Variants in BMAL2 observed in about 807,000 individuals in gnomAD.
BMAL2 encodes basic helix-loop-helix ARNT like 2, also known as basic helix-loop-helix ARNT-like protein 2.
the BMAL2 span, chr12:27,389,082 A>C: frequency 1.2e-6 from 1 of 856,538 alleles, no homozygotes; most frequent in South Asian, 1.4e-5. Context: ...CTTGAGAAAA[A>C]TCAATCAAAA....
At chr12:27,347,618 TTA>T in the BMAL2 span, among the ~76,000 whole-genome samples, 1 of 152,062 alleles carries the variant, frequency 6.6e-6, no homozygotes, top group African/African-American at 2.4e-5. Flanking sequence ...TAGCTTTTTT[TTA>T]AAAAAAATAT....
At chr12:27,390,663 T>C in the BMAL2 span, among the ~76,000 whole-genome samples, 2 of 152,188 alleles carry the variant, frequency 1.3e-5, no homozygotes, top group Non-Finnish European at 2.9e-5. Context: ...TGATTTTAAT[T>C]TTTTATGAGA....
At chr12:27,381,539 A>G in the BMAL2 span, among the ~76,000 whole-genome samples, 1 of 152,106 alleles carries the variant, frequency 6.6e-6, no homozygotes. Flanking sequence ...ATGAGAACTC[A>G]CTATTGTGAC....
chr12:27,401,467 A>G, the BMAL2 span: 2 of 1,544,680 alleles, frequency 1.3e-6, no homozygotes, highest in Non-Finnish European at 1.8e-6. Flanking sequence ...TAATCTTCAC[A>G]ACATTGATTT....
At chr12:27,350,123 G>A in the BMAL2 span, among the ~76,000 whole-genome samples, 2 of 152,208 alleles carry the variant, frequency 1.3e-5, no homozygotes, top group African/African-American at 4.8e-5. Flanking sequence ...AAAAGCAGGT[G>A]ACTTTAGCAG....
chr12:27,414,948 G>A, the BMAL2 span, among the ~76,000 whole-genome samples: 1 of 152,134 alleles, frequency 6.6e-6, no homozygotes, highest in Non-Finnish European at 1.5e-5. Context: ...AGGACATTAT[G>A]CTAAGTGAAA....
At chr12:27,350,975 C>T in the BMAL2 span, among the ~76,000 whole-genome samples, 1 of 130,538 alleles carries the variant, frequency 7.7e-6, no homozygotes, top group Non-Finnish European at 1.6e-5. Flanking sequence ...CCACCATGCC[C>T]AGACCCCACC....
the BMAL2 span, chr12:27,389,198 G>T: frequency 6.2e-7 from 1 of 1,610,984 alleles, no homozygotes; most frequent in Non-Finnish European, 8.5e-7. Context: ...ACTGGACAAA[G>T]CTTATTTGAC....
the BMAL2 span, among the ~76,000 whole-genome samples, chr12:27,383,459 C>A: frequency 6.6e-6 from 1 of 152,114 alleles, no homozygotes; most frequent in Non-Finnish European, 1.5e-5. Context: ...GTGCAGAACA[C>A]CATGGCATGC....
the BMAL2 span, among the ~76,000 whole-genome samples, chr12:27,411,198 G>A: frequency 6.6e-6 from 1 of 152,050 alleles, no homozygotes; most frequent in Admixed American, 6.6e-5. Context: ...TGCGATCATG[G>A]CTCACTGCAG....
chr12:27,351,503 T>C, the BMAL2 span, among the ~76,000 whole-genome samples: 11 of 152,286 alleles, frequency 7.2e-5, no homozygotes, highest in East Asian at 2.1e-3. Context: ...TTTTCAAATA[T>C]AAACCAGTCC....
the BMAL2 span, among the ~76,000 whole-genome samples, chr12:27,383,938 C>T: frequency 1.3e-5 from 2 of 152,148 alleles, no homozygotes; most frequent in African/African-American, 4.8e-5. Flanking sequence ...ACTTTGCCAC[C>T]ACCACCACCA....
At chr12:27,409,999 C>T in the BMAL2 span, among the ~76,000 whole-genome samples, 2 of 152,088 alleles carry the variant, frequency 1.3e-5, no homozygotes, top group African/African-American at 4.8e-5. Context: ...AAAAAATGCT[C>T]ATCATCACTG....
the BMAL2 span, among the ~76,000 whole-genome samples, chr12:27,385,872 G>A: frequency 1.3e-4 from 20 of 151,918 alleles, no homozygotes; most frequent in African/African-American, 4.3e-4. Flanking sequence ...CTTCAAAGCC[G>A]TCTGCCTGGC....
chr12:27,343,097 T>C, the BMAL2 span, among the ~76,000 whole-genome samples: 15 of 152,232 alleles, frequency 9.9e-5, no homozygotes, highest in Admixed American at 3.3e-4. Flanking sequence ...GGAAGCAAAT[T>C]TAGATTGTGA....
At chr12:27,384,118 GACTT>G in the BMAL2 span, among the ~76,000 whole-genome samples, 475 of 152,346 alleles carry the variant, frequency 3.1e-3, 1 homozygote, top group African/African-American at 0.011. Flanking sequence ...AGGGAAAATT[GACTT>G]ACTTCTGAAT....
the BMAL2 span, among the ~76,000 whole-genome samples, chr12:27,361,124 A>T: frequency 1.3e-5 from 2 of 152,188 alleles, no homozygotes; most frequent in East Asian, 3.8e-4. Context: ...GCATGTGTGT[A>T]TACCCAATGT....
chr12:27,410,675 A>G, the BMAL2 span, among the ~76,000 whole-genome samples: 2 of 152,166 alleles, frequency 1.3e-5, no homozygotes, highest in East Asian at 3.8e-4. Context: ...CAGCACACCA[A>G]CATGTCACAT....
At chr12:27,380,189 G>A in the BMAL2 span, 2 of 1,553,220 alleles carry the variant, frequency 1.3e-6, no homozygotes, top group East Asian at 2.3e-5. Context: ...GAGCAACACG[G>A]GGGTGACTGG....
Sources: gnomAD v4.1 joint callset for allele counts (sites outside exome capture counted in the v4.1 genomes callset) on GRCh38, gnomAD v4.1.1 for gene constraint, MANE v1.5 for transcripts, NCBI Gene and HGNC (gene_info 2026-07-23, HGNC 2026-07-21) for gene names.